DSCAM: variants seen among roughly 807,000 people sequenced by gnomAD.
DSCAM encodes the protein DS cell adhesion molecule.
A neutral mutation model predicts 217.7 loss-of-function variants in DSCAM; 47 were observed. The observed-to-expected ratio is 0.22, with a 90% CI of 0.17 to 0.28. DSCAM has a LOEUF of 0.28. DSCAM is among the 10% of genes least tolerant of loss of function. The pLI, the probability that DSCAM is intolerant of heterozygous loss-of-function variation, is 1.00. For synonymous variants in DSCAM, 1,056 were observed against 1,015.3 expected (o/e 1.04, Z -0.76); for missense variants, 2,080 against 2,618.3 (o/e 0.79, Z 4.49).
chr21:40,706,787 C>A (rs1266244889), intron 2 of DSCAM, among the ~76,000 whole-genome samples: 1 of 152,172 alleles, frequency 6.6e-6, no homozygotes, highest in Non-Finnish European at 1.5e-5. Context: ...ATTATTATAA[C>A]CATTATGTGT....
chr21:40,248,633 G>A (rs1473970263), intron 11 of DSCAM, among the ~76,000 whole-genome samples: 3 of 152,162 alleles, frequency 2.0e-5, no homozygotes, highest in Non-Finnish European at 4.4e-5. Flanking sequence ...TCTCTAGGAA[G>A]TTCCAAACTT....
intron 11 of DSCAM, among the ~76,000 whole-genome samples, chr21:40,195,512 G>T (rs2090998409): frequency 6.6e-6 from 1 of 152,126 alleles, no homozygotes; most frequent in African/African-American, 2.4e-5. Context: ...ATCTGACTCT[G>T]ATCGGTCCTA....
intron 3 of DSCAM, among the ~76,000 whole-genome samples, chr21:40,539,716 G>C (rs1408516702): frequency 6.6e-6 from 1 of 152,012 alleles, no homozygotes; most frequent in Non-Finnish European, 1.5e-5. Flanking sequence ...AAGATGAGAA[G>C]GGATATTATG....
At position 40,446,329 on chromosome 21, in the gene DSCAM, G is replaced by C. The variant is rs143822550; in HGVS notation, c.509-77084C>G. 1.1e-3 allele frequency among the ~76,000 whole-genome samples: 167 copies of C among 152,214 alleles called. 4 individuals are homozygous for C. The East Asian group carries it at 0.029, about 27-fold the overall frequency. The stretch of plus-strand genomic sequence containing the variant: ...CTTTGTCATCAATCAAGGCAACTGT[G>C]GACTCTGCTAAGGCCATGTCATGTA... On this transcript the variant is annotated intron_variant, in intron 3 of 32. Transcript: ENST00000400454.
Position 40,821,043 on chromosome 21 carries a change from C to T in DSCAM, c.43+25576G>A, listed in dbSNP as rs1238962127. ...CTTCGCAGATATATATATATCTTCA[C>T]ATATATATAGATATATATATCTTCA... On this transcript the variant is annotated intron_variant, in intron 1 of 32. Coordinates refer to ENST00000400454, the MANE Select transcript of DSCAM (RefSeq NM_001389.5). Among the ~76,000 whole-genome samples, 3 of 147,838 alleles carry T rather than the reference C, an allele frequency of 2.0e-5. No individual in the cohort carries two copies. In the East Asian group the frequency reaches 5.9e-4, roughly 29 times the overall value.
At chr21:40,617,181 T>G (rs1005137546) in intron 3 of DSCAM, among the ~76,000 whole-genome samples, 1 of 132,752 alleles carries the variant, frequency 7.5e-6, no homozygotes, top group Non-Finnish European at 1.6e-5. Flanking sequence ...TGGAGTGCAG[T>G]GGTGCAATCT....
intron 1 of DSCAM, among the ~76,000 whole-genome samples, chr21:40,816,019 G>A (rs1037038516): frequency 6.6e-6 from 1 of 152,228 alleles, no homozygotes; most frequent in African/African-American, 2.4e-5. Context: ...CAAAGTCAGA[G>A]AGGCAACCAC....
At chr21:40,457,086 T>C (rs1317650943) in intron 3 of DSCAM, among the ~76,000 whole-genome samples, 1 of 152,092 alleles carries the variant, frequency 6.6e-6, no homozygotes, top group Non-Finnish European at 1.5e-5. Context: ...TGGTGATAAA[T>C]CAATTAATCA....
intron 8 of DSCAM, among the ~76,000 whole-genome samples, chr21:40,322,375 A>G (rs1216632814): frequency 6.6e-6 from 1 of 152,196 alleles, no homozygotes; most frequent in Non-Finnish European, 1.5e-5. Context: ...TCACAAAACT[A>G]AAGAGATTTT....
At chr21:40,115,124 C>T (rs1235602) in intron 20 of DSCAM, among the ~76,000 whole-genome samples, 111,492 of 152,072 alleles carry the variant, frequency 0.73, 41,076 homozygotes, top group South Asian at 0.81. Context: ...CGTATGTTTA[C>T]TGTGGCACTA....
intron 11 of DSCAM, among the ~76,000 whole-genome samples, chr21:40,196,668 C>T (rs1568994572): frequency 6.6e-6 from 1 of 151,776 alleles, no homozygotes; most frequent in African/African-American, 2.4e-5. Flanking sequence ...TTCACTTTCC[C>T]CTCTCTTTCT....
At chr21:40,691,407 C>A (rs1007146906) in intron 3 of DSCAM, among the ~76,000 whole-genome samples, 11 of 152,210 alleles carry the variant, frequency 7.2e-5, no homozygotes, top group African/African-American at 2.7e-4. Context: ...TTCTTCCACT[C>A]CCTGAACCTA....
chr21:40,358,305 T>A (rs1192951931), intron 4 of DSCAM, among the ~76,000 whole-genome samples: 1 of 152,142 alleles, frequency 6.6e-6, no homozygotes, highest in Non-Finnish European at 1.5e-5. Flanking sequence ...CAACTGGATA[T>A]CCACATGGAA....
intron 1 of DSCAM, among the ~76,000 whole-genome samples, chr21:40,780,599 AG>A (rs2091535541): frequency 6.6e-6 from 1 of 151,898 alleles, no homozygotes; most frequent in African/African-American, 2.4e-5. Flanking sequence ...GTTTGGAGAT[AG>A]GGTCTTTAAA....
intron 32 of DSCAM, among the ~76,000 whole-genome samples, chr21:40,015,342 C>T (rs919638319): frequency 1.3e-5 from 2 of 152,098 alleles, no homozygotes; most frequent in African/African-American, 2.4e-5. Flanking sequence ...ACCATCCTTC[C>T]ATCCTTGAAA....
chr21:40,793,864 T>G (rs536242467), intron 1 of DSCAM, among the ~76,000 whole-genome samples: 1 of 152,246 alleles, frequency 6.6e-6, no homozygotes, highest in South Asian at 2.1e-4. Flanking sequence ...AGACAAAAAA[T>G]CATGTGAAAT....
rs183972566 is a variant in DSCAM at position 40,447,378 on chromosome 21, G to A, written c.509-78133C>T. On this transcript the variant is annotated intron_variant, in intron 3 of 32. Coordinates refer to ENST00000400454, the MANE Select transcript of DSCAM (RefSeq NM_001389.5). ...ACGAACAAACTAAAATGTACTTATT[G>A]TATTTTTCACAAACCTCTGAAATAT... Among the ~76,000 whole-genome samples the A allele has an allele frequency of 9.1e-4, 139 of 152,236 alleles. 1 individual carries two copies. The highest frequency in any genetic ancestry group is 3.2e-3 in the African/African-American group (134 of 41,552).
At chr21:40,582,522 A>G (rs758424856) in intron 3 of DSCAM, among the ~76,000 whole-genome samples, 18 of 152,228 alleles carry the variant, frequency 1.2e-4, no homozygotes, top group Admixed American at 3.3e-4. Context: ...TGTAGTAAAC[A>G]TAGCTTTTGT....
intron 1 of DSCAM, among the ~76,000 whole-genome samples, chr21:40,779,496 C>T (rs2091520529): frequency 6.6e-6 from 1 of 152,194 alleles, no homozygotes; most frequent in African/African-American, 2.4e-5. Flanking sequence ...GCATGCGTAT[C>T]AAATTCAGGC....
Sources: allele counts gnomAD v4.1 joint callset (sites outside exome capture counted in the v4.1 genomes callset), GRCh38; gene constraint gnomAD v4.1.1; transcripts MANE v1.5; gene names NCBI Gene and HGNC (gene_info 2026-07-23, HGNC 2026-07-21).